GPC6: variants seen among roughly 807,000 people sequenced by gnomAD.
GPC6 encodes glypican 6.
Under a neutral mutation model 55.2 loss-of-function variants are expected in GPC6, and 14 were observed. That is an observed-to-expected ratio of 0.25 (90% CI 0.17 to 0.40). The LOEUF (loss-of-function observed/expected upper bound fraction) is 0.40, where lower values mean the gene tolerates loss of function less well. Among genes scored for constraint, GPC6 ranks in the 10% least tolerant of loss-of-function variants. The pLI is 1.00. For synonymous variants in GPC6, 278 were observed against 259.6 expected (o/e 1.07, Z -0.68); for missense variants, 641 against 708.5 (o/e 0.90, Z 1.08).
At chr13:94,085,264 G>C (rs1018585500) in intron 4 of GPC6, among the ~76,000 whole-genome samples, 1 of 141,134 alleles carries the variant, frequency 7.1e-6, no homozygotes, top group African/African-American at 2.6e-5. Context: ...GGAGGTTGCA[G>C]TGAGCCGAGA....
chr13:94,126,552 G>T (rs1413592456), intron 4 of GPC6, among the ~76,000 whole-genome samples: 1 of 152,116 alleles, frequency 6.6e-6, no homozygotes, highest in Admixed American at 6.6e-5. Flanking sequence ...AAGAGTTGAG[G>T]TTCTCTAAAA....
intron 4 of GPC6, among the ~76,000 whole-genome samples, chr13:94,095,291 C>T (rs747480058): frequency 1.3e-5 from 2 of 151,974 alleles, no homozygotes; most frequent in African/African-American, 4.8e-5. Flanking sequence ...TTATACCAGG[C>T]CCAGAGATTT....
intron 2 of GPC6, among the ~76,000 whole-genome samples, chr13:93,764,589 CA>C (rs1181372880): frequency 2.6e-5 from 1 of 38,756 alleles, no homozygotes; most frequent in East Asian, 5.1e-4. Flanking sequence ...TGTAAACACA[CA>C]CACACACACA....
chr13:94,078,152 A>G (rs1311462206), intron 4 of GPC6, among the ~76,000 whole-genome samples: 1 of 151,916 alleles, frequency 6.6e-6, no homozygotes, highest in Admixed American at 6.6e-5. Context: ...TTAATAATAT[A>G]TTTTTGAGCG....
At chr13:94,365,907 C>A (rs1476089789) in intron 6 of GPC6, among the ~76,000 whole-genome samples, 1 of 152,150 alleles carries the variant, frequency 6.6e-6, no homozygotes, top group Admixed American at 6.5e-5. Context: ...AGAATAAAGC[C>A]ACCAAACTGT....
chr13:93,916,985 C>T (rs1444139875), intron 3 of GPC6, among the ~76,000 whole-genome samples: 1 of 152,086 alleles, frequency 6.6e-6, no homozygotes, highest in African/African-American at 2.4e-5. Context: ...TCATAAGCTC[C>T]CTTTTTGCCC....
rs116495898 is a variant in GPC6, at chr13:94,272,095, T to C, written c.878-14254T>C. ...AATAAAATAATAAAATATATATATC[T>C]TTTCAATAATACCAGTATGCACAGA... On this transcript the variant is annotated intron_variant, in intron 4 of 8. Transcript: ENST00000377047. Among the ~76,000 whole-genome samples, 289 of 152,196 alleles carry C rather than the reference T, an allele frequency of 1.9e-3. 2 individuals carry two copies. Among genetic ancestry groups the C allele is most frequent in the African/African-American group, 6.9e-3 (287 of 41,570 alleles).
chr13:93,393,648 C>T (rs1875735874), intron 1 of GPC6, among the ~76,000 whole-genome samples: 1 of 152,070 alleles, frequency 6.6e-6, no homozygotes, highest in South Asian at 2.1e-4. Context: ...CTCTCTCTCT[C>T]TCTCTTTTTT....
intron 5 of GPC6, among the ~76,000 whole-genome samples, chr13:94,287,192 C>G (rs907071472): frequency 6.6e-6 from 1 of 152,166 alleles, no homozygotes; most frequent in Non-Finnish European, 1.5e-5. Context: ...CAATCTTTCT[C>G]TCCCATAGTG....
chr13:94,364,342 G>C (rs1369667650), intron 6 of GPC6, among the ~76,000 whole-genome samples: 1 of 152,132 alleles, frequency 6.6e-6, no homozygotes, highest in Non-Finnish European at 1.5e-5. Flanking sequence ...GTACTCCCTG[G>C]TTGGTGCCCC....
intron 2 of GPC6, among the ~76,000 whole-genome samples, chr13:93,607,724 A>G (rs116378206): frequency 0.019 from 2,846 of 152,186 alleles, 88 homozygotes; most frequent in African/African-American, 0.065. Context: ...ATAGCGTTCA[A>G]TTTTCACAGC....
At chr13:93,836,269 C>G (rs1264995455) in intron 3 of GPC6, 1 of 152,200 alleles carries the variant, frequency 6.6e-6, no homozygotes, top group Non-Finnish European at 1.5e-5. Flanking sequence ...ATTCTCTGAT[C>G]ACAATGGAAA....
intron 3 of GPC6, among the ~76,000 whole-genome samples, chr13:93,913,188 T>C (rs1877101135): frequency 6.6e-6 from 1 of 152,206 alleles, no homozygotes; most frequent in Non-Finnish European, 1.5e-5. Context: ...GAAACATGAT[T>C]AAGAATCTCT....
chr13:94,154,577 G>A (rs1173222473), intron 4 of GPC6, among the ~76,000 whole-genome samples: 3 of 152,138 alleles, frequency 2.0e-5, no homozygotes, highest in Non-Finnish European at 4.4e-5. Context: ...TATTTTCACA[G>A]AGAGCAAGGC....
At chr13:93,874,538 T>C (rs563811275) in intron 3 of GPC6, among the ~76,000 whole-genome samples, 2 of 151,042 alleles carry the variant, frequency 1.3e-5, no homozygotes, top group South Asian at 4.2e-4. Flanking sequence ...CATGACACTG[T>C]ATCCCAGGGC....
At chr13:93,437,477 G>A (rs904063778) in intron 1 of GPC6, among the ~76,000 whole-genome samples, 2 of 152,192 alleles carry the variant, frequency 1.3e-5, no homozygotes, top group Admixed American at 1.3e-4. Context: ...CACATGATAA[G>A]AAAGTGAAAC....
At chr13:94,113,261 A>C (rs1387451852) in intron 4 of GPC6, among the ~76,000 whole-genome samples, 2 of 152,098 alleles carry the variant, frequency 1.3e-5, no homozygotes, top group Non-Finnish European at 2.9e-5. Flanking sequence ...AAAAAGCACA[A>C]GTGGGAATGC....
intron 1 of GPC6, among the ~76,000 whole-genome samples, chr13:93,402,512 A>G (rs1373340004): frequency 6.6e-6 from 1 of 152,154 alleles, no homozygotes; most frequent in Non-Finnish European, 1.5e-5. Flanking sequence ...GCTGCATTTG[A>G]TGCATGAAAT....
chr13:93,550,497 T>C (rs1312527328), intron 2 of GPC6, among the ~76,000 whole-genome samples: 1 of 152,194 alleles, frequency 6.6e-6, no homozygotes, highest in African/African-American at 2.4e-5. Flanking sequence ...CAGTAAGTTC[T>C]ATCCTTATGA....
Sources: gnomAD v4.1 joint callset for allele counts (sites outside exome capture counted in the v4.1 genomes callset) on GRCh38, gnomAD v4.1.1 for gene constraint, MANE v1.5 for transcripts, NCBI Gene and HGNC (gene_info 2026-07-23, HGNC 2026-07-21) for gene names.